The following CMTM8 variants were observed in gnomAD, a reference collection of about 807,000 sequenced individuals.
The protein encoded by CMTM8 is CKLF-like MARVEL transmembrane domain-containing protein 8.
Under a neutral mutation model 18.6 loss-of-function variants are expected in CMTM8, and 12 were observed. The observed-to-expected ratio is 0.65, with a 90% confidence interval of 0.41 to 1.05. CMTM8 has a LOEUF of 1.05. Ranked by LOEUF, CMTM8 falls within the 50% of genes least tolerant of loss-of-function variation. The pLI is 0.00. For synonymous variants in CMTM8, 87 were observed against 90.6 expected (o/e 0.96, Z 0.23); for missense variants, 217 against 227.2 (o/e 0.95, Z 0.29).
At chr3:32,322,252 A>G (rs1696072206) in intron 1 of CMTM8, among the ~76,000 whole-genome samples, 1 of 151,954 alleles carries the variant, frequency 6.6e-6, no homozygotes, top group South Asian at 2.1e-4. Context: ...TTGGCTGTGT[A>G]TTCATTAGAT....
intron 1 of CMTM8, among the ~76,000 whole-genome samples, chr3:32,312,423 A>G (rs911513902): frequency 1.3e-5 from 2 of 152,188 alleles, no homozygotes; most frequent in Non-Finnish European, 2.9e-5. Flanking sequence ...CACAGAACTC[A>G]GGAAACACAT....
At chr3:32,322,329 A>G (rs1696073557) in intron 1 of CMTM8, among the ~76,000 whole-genome samples, 2 of 152,096 alleles carry the variant, frequency 1.3e-5, no homozygotes, top group African/African-American at 4.8e-5. Context: ...CATCTTTCAA[A>G]TATTCTTTAG....
intron 1 of CMTM8, among the ~76,000 whole-genome samples, chr3:32,285,975 G>T (rs1213002855): frequency 2.0e-5 from 3 of 152,218 alleles, no homozygotes; most frequent in African/African-American, 7.2e-5. Context: ...CTCTCAGGCG[G>T]TCTGCAGTTA....
At chr3:32,366,996 C>CT (rs1289977393) in intron 2 of CMTM8, among the ~76,000 whole-genome samples, 3 of 152,094 alleles carry the variant, frequency 2.0e-5, no homozygotes, top group Non-Finnish European at 4.4e-5. Flanking sequence ...TTCTATGTAG[C>CT]TTTTTTTTCT....
intron 1 of CMTM8, among the ~76,000 whole-genome samples, chr3:32,288,058 C>G (rs1404808794): frequency 6.6e-6 from 1 of 152,152 alleles, no homozygotes; most frequent in African/African-American, 2.4e-5. Context: ...AACTAAAGTT[C>G]TGGAAGATTA....
rs34230571 is a variant in CMTM8, at chr3:32,346,814, CTT to C, written c.148-10544_148-10543del. ...AGCTTCCTTTCTCCATGTTATAATT[CTT>C]TTTTTTTTTTTTTTCTTTTTTTGAG... On this transcript the variant is annotated intron_variant, in intron 1 of 3. Coordinates refer to ENST00000307526, the MANE Select transcript of CMTM8 (RefSeq NM_178868.5). Among the ~76,000 whole-genome samples, 1,495 of 131,452 alleles carry C rather than the reference CTT, an allele frequency of 0.011. 55 individuals carry two copies. In the East Asian group the frequency reaches 0.16, roughly 14 times the overall value. The allele number at this position is 131,452 out of a possible 152,430, so 86.2% of individuals were successfully genotyped here. A position where few individuals can be genotyped will look rare whatever the true frequency, so the allele number is the denominator to read the frequency against.
In CMTM8 at chr3:32,369,895, C is replaced by T; in HGVS notation, c.450C>T (p.Phe150=). 1.2e-6 allele frequency: 2 copies of T among 1,608,586 alleles called. No individual in the cohort carries two copies. Among genetic ancestry groups the T allele is most frequent in the Non-Finnish European group, 1.7e-6 (2 of 1,175,856 alleles). ...TTTGTTTTCTCCAGTTCTTTGCCTTCCTGGTCACCATCTGCTACGCTGGAA... is the reference window on the plus strand; with the variant it reads ...TTTGTTTTCTCCAGTTCTTTGCCTTTCTGGTCACCATCTGCTACGCTGGAA... ...NSWAASSFFA[F]LVTICYAGNT... is the part of the protein sequence containing the mutation. Residue 150 remains phenylalanine (F), a synonymous_variant, in exon 4 of 4, where the codon TTC becomes TTT. Coordinates refer to ENST00000307526, the MANE Select transcript of CMTM8 (RefSeq NM_178868.5).
At chr3:32,362,003 G>A (rs6777441) in intron 2 of CMTM8, among the ~76,000 whole-genome samples, 62,053 of 146,484 alleles carry the variant, frequency 0.42, 13,098 homozygotes, top group Middle Eastern at 0.62. Context: ...GAGCAGAGAT[G>A]TTTGTCTCCT....
At chr3:32,366,235 C>T (rs779801910) in intron 2 of CMTM8, among the ~76,000 whole-genome samples, 9 of 152,182 alleles carry the variant, frequency 5.9e-5, no homozygotes, top group Non-Finnish European at 1.3e-4. Flanking sequence ...CTCTACCAAC[C>T]CTCTTCCCCT....
upstream of CMTM8, chr3:32,238,286 T>C (rs1402508097): frequency 1.3e-5 from 2 of 152,278 alleles, no homozygotes; most frequent in Admixed American, 1.3e-4. Flanking sequence ...CATCACCCCC[T>C]GCCTCGGTCG....
intron 1 of CMTM8, among the ~76,000 whole-genome samples, chr3:32,283,048 A>T (rs1480420019): frequency 6.6e-6 from 1 of 152,206 alleles, no homozygotes; most frequent in Non-Finnish European, 1.5e-5. Flanking sequence ...AACATGAGTT[A>T]TGTGAGAGTA....
intron 1 of CMTM8, among the ~76,000 whole-genome samples, chr3:32,315,078 G>A (rs1695894153): frequency 6.6e-6 from 1 of 151,862 alleles, no homozygotes; most frequent in Non-Finnish European, 1.5e-5. Context: ...AGTGCTGTGG[G>A]GAAACAAAGG....
At chr3:32,341,671 G>A (rs1432248624) in intron 1 of CMTM8, among the ~76,000 whole-genome samples, 2 of 151,938 alleles carry the variant, frequency 1.3e-5, no homozygotes, top group Non-Finnish European at 2.9e-5. Flanking sequence ...GAGGTCAGGA[G>A]TTCAAGACCA....
chr3:32,369,973 C>A lies in CMTM8; in HGVS notation c.*6C>A. ...GATCCAGGACCATACAGTGATTTAC[C>A]ATTTTGATAATTAAAAGGAAAAAAA... On this transcript the variant is annotated 3_prime_UTR_variant, in exon 4 of 4. Coordinates refer to ENST00000307526, the MANE Select transcript of CMTM8 (RefSeq NM_178868.5). 6.6e-7 allele frequency: 1 copy of A among 1,523,636 alleles called. No individual in the cohort carries two copies. Among genetic ancestry groups the A allele is most frequent in the South Asian group, 1.2e-5 (1 of 82,160 alleles). 94.4% of individuals were successfully genotyped at this position (1,523,636 alleles called of 1,614,324 possible).
intron 1 of CMTM8, among the ~76,000 whole-genome samples, chr3:32,340,582 GGTTGTAAACAGGAATT>G (rs1696474360): frequency 6.6e-6 from 1 of 152,338 alleles, no homozygotes; most frequent in South Asian, 2.1e-4. Flanking sequence ...GAGTGTGTGT[GGTTGTAAACAGGAATT>G]GGCAAACTTT....
intron 1 of CMTM8, among the ~76,000 whole-genome samples, chr3:32,350,758 C>CAA (rs1696693519): frequency 6.6e-6 from 1 of 151,846 alleles, no homozygotes; most frequent in Non-Finnish European, 1.5e-5. Flanking sequence ...CTCCTGACCT[C>CAA]GTGATCCAGC....
At chr3:32,325,816 T>C (rs1696139651) in intron 1 of CMTM8, among the ~76,000 whole-genome samples, 1 of 152,198 alleles carries the variant, frequency 6.6e-6, no homozygotes. Context: ...AGTTGTGCAC[T>C]GCAGTTTTCC....
intron 1 of CMTM8, among the ~76,000 whole-genome samples, chr3:32,334,257 C>T (rs1226688025): frequency 2.6e-5 from 4 of 151,696 alleles, no homozygotes; most frequent in East Asian, 2.0e-4. Flanking sequence ...GGACTACAGG[C>T]GTGAGCCACC....
At chr3:32,258,119 C>T (rs1702200813) in intron 1 of CMTM8, among the ~76,000 whole-genome samples, 1 of 152,138 alleles carries the variant, frequency 6.6e-6, no homozygotes, top group South Asian at 2.1e-4. Flanking sequence ...TTGGTTATTG[C>T]TTCTAATCTT....
Sources: gnomAD v4.1 joint callset for allele counts (sites outside exome capture counted in the v4.1 genomes callset) on GRCh38, gnomAD v4.1.1 for gene constraint, MANE v1.5 for transcripts, NCBI Gene and HGNC (gene_info 2026-07-23, HGNC 2026-07-21) for gene names.